Variants in POLR2B observed in about 807,000 individuals in gnomAD.
POLR2B encodes DNA-directed RNA polymerase II subunit RPB2.
A neutral mutation model predicts 144.6 loss-of-function variants in POLR2B; 57 were observed. The ratio of observed to expected loss-of-function variants is 0.39; its 90% confidence interval spans 0.32 to 0.49. The LOEUF (loss-of-function observed/expected upper bound fraction) is 0.49. Ranked by LOEUF, POLR2B falls within the 20% of genes least tolerant of loss-of-function variation. The pLI is 0.83. For missense variants in POLR2B, 595 were observed against 1,467.4 expected (o/e 0.41, Z 9.71); for synonymous variants, 442 against 469.8 (o/e 0.94, Z 0.77).
intron 6 of POLR2B, among the ~76,000 whole-genome samples, chr4:56,996,284 T>A (rs1368853916): frequency 0.01 from 1,148 of 111,122 alleles, 61 homozygotes; most frequent in African/African-American, 0.034. Flanking sequence ...ATATATTTTT[T>A]TTTTTTTTTT....
intron 11 of POLR2B, 40 bp from the exon 12 acceptor site, chr4:57,010,708 A>G (rs774468107): frequency 1.2e-5 from 18 of 1,528,656 alleles, no homozygotes; most frequent in Non-Finnish European, 8.8e-7. Context: ...TTTGATAGGC[A>G]TGTAAAATCA....
intron 6 of POLR2B, among the ~76,000 whole-genome samples, chr4:56,998,973 A>G (rs1041988935): frequency 1.3e-5 from 2 of 152,174 alleles, no homozygotes; most frequent in African/African-American, 2.4e-5. Context: ...TTAATATTGA[A>G]GCAAACAAAT....
intron 22 of POLR2B, 54 bp from the exon 23 acceptor site, chr4:57,025,323 C>T: frequency 7.8e-7 from 1 of 1,290,048 alleles, no homozygotes; most frequent in Non-Finnish European, 1.1e-6. Flanking sequence ...CACATATCTT[C>T]TTTGACGTTG....
chr4:57,010,378 T>G lies in POLR2B; in HGVS notation c.1422T>G (p.Thr474=), dbSNP rs749602079. 2 of 1,613,924 alleles carry G rather than the reference T, an allele frequency of 1.2e-6. No individual in the cohort carries two copies. The highest frequency in any genetic ancestry group is 2.2e-5 in the South Asian group (2 of 91,022). Reference sequence around the variant, plus strand: ...TTTTCTAGGTGTTAAACCGCCTGACTTTTGCGTCTACTCTTTCTCACCTGC... The same window carrying G: ...TTTTCTAGGTGTTAAACCGCCTGACGTTTGCGTCTACTCTTTCTCACCTGC... ...AGVSQVLNRL[T]FASTLSHLRR... Residue 474 remains threonine, a synonymous_variant, in exon 11 of 25, where the codon ACT becomes ACG. Coordinates refer to ENST00000314595, the MANE Select transcript of POLR2B (RefSeq NM_000938.3).
At chr4:56,979,805 C>G (rs1404028266) in intron 1 of POLR2B, among the ~76,000 whole-genome samples, 1 of 150,926 alleles carries the variant, frequency 6.6e-6, no homozygotes, top group African/African-American at 2.4e-5. Flanking sequence ...AGGCTGAGGC[C>G]GGACGATCGC....
At chr4:56,980,463 T>C (rs1051602656) in intron 1 of POLR2B, among the ~76,000 whole-genome samples, 3 of 152,190 alleles carry the variant, frequency 2.0e-5, no homozygotes, top group Non-Finnish European at 4.4e-5. Flanking sequence ...GGCTCACGCC[T>C]GTTATCCCAG....
At chr4:57,007,387 C>T (rs1377469602) in intron 10 of POLR2B, among the ~76,000 whole-genome samples, 7 of 151,642 alleles carry the variant, frequency 4.6e-5, no homozygotes, top group South Asian at 2.1e-4. Context: ...TGCACTCCAG[C>T]CTGGGCAAAA....
In POLR2B at chr4:57,024,579, TCTCA is replaced by T. The variant is rs367889525; in HGVS notation, c.2965-303_2965-300del. 5.8e-4 allele frequency among the ~76,000 whole-genome samples: 89 copies of T among 152,204 alleles called. No individual in the cohort carries two copies. The East Asian group carries it at 0.017, about 29-fold the overall frequency. On this transcript the variant is annotated intron_variant, in intron 21 of 24. Transcript: ENST00000314595. ...TTGAGCCATCTGAAGTACTTAGGAG[TCTCA>T]CTCTTTTTGTACCTGATCCCATGGA... is the stretch of plus-strand genomic sequence containing the variant.
At chr4:56,987,117 A>G (rs1230227638) in intron 2 of POLR2B, among the ~76,000 whole-genome samples, 1 of 152,090 alleles carries the variant, frequency 6.6e-6, no homozygotes, top group African/African-American at 2.4e-5. Flanking sequence ...GATATTTCTC[A>G]TAATTAGATT....
intron 3 of POLR2B, among the ~76,000 whole-genome samples, chr4:56,993,426 T>C (rs10002090): frequency 0.076 from 11,629 of 152,254 alleles, 500 homozygotes; most frequent in African/African-American, 0.093. Context: ...GAGTAGAGGA[T>C]TGGCTTCCCT....
chr4:56,986,452 C>G (rs1316005136), intron 2 of POLR2B, 26 bp downstream of exon 2: 2 of 1,432,264 alleles, frequency 1.4e-6, no homozygotes, highest in African/African-American at 1.4e-5. Context: ...ACTGAATTAG[C>G]CTGAAAAGGC....
intron 2 of POLR2B, among the ~76,000 whole-genome samples, chr4:56,987,899 G>A (rs1047805628): frequency 2.0e-5 from 3 of 151,350 alleles, no homozygotes; most frequent in Non-Finnish European, 4.4e-5. Context: ...AAAAGATGTT[G>A]ATTCAGCATG....
rs1202103825 is a variant in POLR2B, at chr4:57,013,097, T to C, written c.1800+1997T>C. ...CTCAGGTGATCCACCTGCCTCAGCC[T>C]CCCAAAGTGCTGGGATTATAGACGT... On this transcript the variant is annotated intron_variant, in intron 13 of 24. Coordinates refer to ENST00000314595, the MANE Select transcript of POLR2B (RefSeq NM_000938.3). Among the ~76,000 whole-genome samples, 3 of 152,144 alleles carry C rather than the reference T, an allele frequency of 2.0e-5. No homozygotes were observed. The East Asian group carries it at 5.8e-4, about 29-fold the overall frequency.
chr4:56,988,578 C>G (rs774487267), intron 2 of POLR2B, among the ~76,000 whole-genome samples: 4 of 151,982 alleles, frequency 2.6e-5, no homozygotes, highest in Non-Finnish European at 4.4e-5. Flanking sequence ...TGATGGTGAC[C>G]TTTGATTCCA....
intron 13 of POLR2B, among the ~76,000 whole-genome samples, chr4:57,012,267 T>C (rs548552412): frequency 6.6e-6 from 1 of 152,262 alleles, no homozygotes; most frequent in Non-Finnish European, 1.5e-5. Context: ...CAGCTGGGCA[T>C]GGTAGCATGT....
In POLR2B at chr4:56,986,424, C is replaced by A; in HGVS notation, c.90C>A (p.Ile30=). ...GGCAAGAAGCATGCTGGATTGTAATCAGGTAACTTTGGACCAAACTGAATT... is the reference window on the plus strand; with the variant it reads ...GGCAAGAAGCATGCTGGATTGTAATAAGGTAACTTTGGACCAAACTGAATT... The part of the protein sequence containing the change: ...DLWQEACWIV[I]SSYFDEKGLV... Residue 30 remains isoleucine, a splice_region_variant and synonymous_variant, in exon 2 of 25, where the codon ATC becomes ATA. Transcript: ENST00000314595. The A allele has an allele frequency of 6.2e-7, 1 of 1,606,260 alleles. No homozygotes were observed. The highest frequency in any genetic ancestry group is 8.5e-7 in the Non-Finnish European group (1 of 1,173,028).
At chr4:57,029,946 A>C (rs1462973606) in intron 23 of POLR2B, among the ~76,000 whole-genome samples, 1 of 152,118 alleles carries the variant, frequency 6.6e-6, no homozygotes, top group Non-Finnish European at 1.5e-5. Flanking sequence ...TGAGCTCAAG[A>C]GATCCACCCA....
intron 9 of POLR2B, among the ~76,000 whole-genome samples, chr4:57,006,505 A>G (rs1011951042): frequency 6.6e-6 from 1 of 152,162 alleles, no homozygotes; most frequent in Non-Finnish European, 1.5e-5. Context: ...GTGTTTCTCC[A>G]TATTGGCCAG....
chr4:57,014,031 C>T (rs1723285434), intron 13 of POLR2B, among the ~76,000 whole-genome samples: 1 of 151,696 alleles, frequency 6.6e-6, no homozygotes, highest in Non-Finnish European at 1.5e-5. Flanking sequence ...TAAGGCAGTG[C>T]ATTTGAAAGA....
Sources: allele counts gnomAD v4.1 joint callset (sites outside exome capture counted in the v4.1 genomes callset), GRCh38; gene constraint gnomAD v4.1.1; transcripts MANE v1.5; gene names NCBI Gene and HGNC (gene_info 2026-07-23, HGNC 2026-07-21).